PRKCI: variants seen among roughly 807,000 people sequenced by gnomAD.
The protein encoded by PRKCI is protein kinase C iota type.
PRKCI carries 43 observed loss-of-function variants against 84.0 expected under a neutral mutation model. The observed-to-expected ratio is 0.51, with a 90% CI of 0.40 to 0.66. The LOEUF (loss-of-function observed/expected upper bound fraction) is 0.66. Ranked by LOEUF, PRKCI falls within the 30% of genes least tolerant of loss-of-function variation. The probability of loss-of-function intolerance (pLI) is 0.00; values close to 1 mark genes in which losing one functional copy is unlikely to be tolerated. For missense variants in PRKCI, 459 were observed against 745.6 expected (o/e 0.62, Z 4.48); for synonymous variants, 216 against 234.4 (o/e 0.92, Z 0.72).
At chr3:170,274,703 T>A (rs1734074716) in intron 7 of PRKCI, among the ~76,000 whole-genome samples, 1 of 152,022 alleles carries the variant, frequency 6.6e-6, no homozygotes, top group African/African-American at 2.4e-5. Flanking sequence ...TGATCAACTC[T>A]ATGAAATGCA....
intron 4 of PRKCI, among the ~76,000 whole-genome samples, chr3:170,267,495 G>A (rs1733889765): frequency 6.6e-6 from 1 of 151,928 alleles, no homozygotes. Context: ...CCAACATGGA[G>A]AAACCCTGTC....
chr3:170,222,798 C>G, intron 1 of PRKCI, 28 bp downstream of exon 1: 440 of 512,990 alleles, frequency 8.6e-4, no homozygotes, highest in Middle Eastern at 2.0e-3. Flanking sequence ...GGGCGGTGGG[C>G]GGGAGGGGAC....
At chr3:170,271,154 C>G (rs577671287) in intron 6 of PRKCI, among the ~76,000 whole-genome samples, 1 of 151,996 alleles carries the variant, frequency 6.6e-6, no homozygotes, top group Non-Finnish European at 1.5e-5. Flanking sequence ...TTTTCCTGTG[C>G]AAATTTATAT....
At chr3:170,232,540 G>A (rs376126160) in intron 1 of PRKCI, among the ~76,000 whole-genome samples, 100 of 151,608 alleles carry the variant, frequency 6.6e-4, no homozygotes, top group African/African-American at 2.3e-3. Context: ...ATAACATTGA[G>A]ACTTACTAAC....
intron 12 of PRKCI, among the ~76,000 whole-genome samples, chr3:170,287,253 C>T (rs1292148840): frequency 6.6e-6 from 1 of 151,718 alleles, no homozygotes; most frequent in Non-Finnish European, 1.5e-5. Context: ...ATCACTTGAG[C>T]CTGGGGCTGT....
chr3:170,222,879 G>T, intron 1 of PRKCI, 109 bp downstream of exon 1: 1 of 636,018 alleles, frequency 1.6e-6, no homozygotes. Flanking sequence ...ATTGGGCTGG[G>T]CGGGCGGGCG....
At chr3:170,282,397 T>A (rs1202644692) in intron 11 of PRKCI, among the ~76,000 whole-genome samples, 1 of 151,954 alleles carries the variant, frequency 6.6e-6, no homozygotes, top group African/African-American at 2.4e-5. Context: ...TACTTGAGAG[T>A]AATTAAACGA....
chr3:170,267,368 T>G (rs529962788), intron 4 of PRKCI, among the ~76,000 whole-genome samples: 7 of 151,824 alleles, frequency 4.6e-5, no homozygotes, highest in Admixed American at 6.6e-5. Context: ...TGGAGGAAAA[T>G]TTTTAAAAAG....
intron 2 of PRKCI, among the ~76,000 whole-genome samples, chr3:170,256,641 G>A (rs1342472930): frequency 6.6e-6 from 1 of 151,994 alleles, no homozygotes; most frequent in South Asian, 2.1e-4. Context: ...TTGATCTTTT[G>A]TGTGTTTTGT....
At chr3:170,236,386 C>G (rs1419669374) in intron 2 of PRKCI, among the ~76,000 whole-genome samples, 3 of 152,102 alleles carry the variant, frequency 2.0e-5, no homozygotes, top group Non-Finnish European at 4.4e-5. Flanking sequence ...CAGGTATGGG[C>G]CACCACACCT....
In PRKCI at chr3:170,237,140, A is replaced by G. The variant is rs575967108; in HGVS notation, c.223+1789A>G. 3.3e-5 allele frequency among the ~76,000 whole-genome samples: 5 copies of G among 152,328 alleles called. No individual in the cohort carries two copies. The South Asian group carries it at 1.0e-3, about 32-fold the overall frequency. ...AGAAAACCATATAGGCTGAAGAAGA[A>G]TATGTAGAAAGGCACAGAAATGTGA... On this transcript the variant is annotated intron_variant, in intron 2 of 17. Coordinates refer to ENST00000295797, the MANE Select transcript of PRKCI (RefSeq NM_002740.6).
intron 8 of PRKCI, among the ~76,000 whole-genome samples, chr3:170,276,707 TC>T (rs1264539942): frequency 6.6e-6 from 1 of 152,104 alleles, no homozygotes; most frequent in East Asian, 1.9e-4. Flanking sequence ...CTAGGAAATA[TC>T]CTCTCGACAT....
intron 2 of PRKCI, 99 bp downstream of exon 2, chr3:170,235,450 A>C: frequency 7.8e-7 from 1 of 1,281,936 alleles, no homozygotes; most frequent in Middle Eastern, 2.3e-4. Context: ...TTAAGAGGAA[A>C]GACTATTAGA....
At chr3:170,286,045 C>T (rs554772517) in intron 12 of PRKCI, among the ~76,000 whole-genome samples, 16 of 152,072 alleles carry the variant, frequency 1.1e-4, no homozygotes, top group African/African-American at 3.6e-4. Context: ...CTGCCTCAGC[C>T]TCCTGAGTAG....
intron 14 of PRKCI, among the ~76,000 whole-genome samples, chr3:170,295,631 G>A (rs574133361): frequency 1.3e-5 from 2 of 150,644 alleles, no homozygotes; most frequent in East Asian, 2.0e-4. Context: ...AGCTGAGATC[G>A]TGCCACTGTG....
chr3:170,260,140 A>T, intron 3 of PRKCI, 82 bp downstream of exon 3: 1 of 897,076 alleles, frequency 1.1e-6, no homozygotes, highest in African/African-American at 1.7e-5. Flanking sequence ...TTTGAAACAT[A>T]ATCTTAATGT....
intron 2 of PRKCI, among the ~76,000 whole-genome samples, chr3:170,247,559 C>G (rs187918296): frequency 6.6e-6 from 1 of 151,224 alleles, no homozygotes; most frequent in African/African-American, 2.4e-5. Context: ...GGAGAAATGC[C>G]GTCTCTACTA....
Position 170,261,180 on chromosome 3 carries a change from G to C in PRKCI, c.313+1122G>C, listed in dbSNP as rs554269152. On this transcript the variant is annotated intron_variant, in intron 3 of 17. Coordinates refer to ENST00000295797, the MANE Select transcript of PRKCI (RefSeq NM_002740.6). The stretch of plus-strand genomic sequence containing the variant: ...GGATATCACTATGATGCCCAGGCTG[G>C]TCTCAAACTCCTGTGCTCAAAGAGT... 2.4e-3 allele frequency among the ~76,000 whole-genome samples: 357 copies of C among 149,850 alleles called. 2 individuals carry two copies. Among genetic ancestry groups the C allele is most frequent in the Middle Eastern group, 6.8e-3 (2 of 292 alleles).
At chr3:170,244,054 A>G (rs1211269167) in intron 2 of PRKCI, among the ~76,000 whole-genome samples, 1 of 152,232 alleles carries the variant, frequency 6.6e-6, no homozygotes, top group African/African-American at 2.4e-5. Flanking sequence ...ACAGTGCCTA[A>G]AACCCTTGTT....
Sources: gnomAD v4.1 joint callset for allele counts (sites outside exome capture counted in the v4.1 genomes callset) on GRCh38, gnomAD v4.1.1 for gene constraint, MANE v1.5 for transcripts, NCBI Gene and HGNC (gene_info 2026-07-23, HGNC 2026-07-21) for gene names.